The following PPFIA2 variants were observed in gnomAD, a reference collection of about 807,000 sequenced individuals.
PPFIA2 encodes PPFI scaffold protein A2, also known as liprin-alpha-2.
Under a neutral mutation model 175.5 loss-of-function variants are expected in PPFIA2, and 46 were observed. The ratio of observed to expected loss-of-function variants is 0.26; its 90% confidence interval spans 0.21 to 0.34. PPFIA2 has a LOEUF of 0.34. Ranked by LOEUF, PPFIA2 falls within the 10% of genes least tolerant of loss-of-function variation. The pLI is 1.00. For missense variants in PPFIA2, 1,179 were observed against 1,506.1 expected, an observed-to-expected ratio of 0.78 and a Z score of 3.60; for synonymous variants, 568 against 511.4, an observed-to-expected ratio of 1.11 and a Z score of -1.49.
chr12:81,688,598 C>T (rs2074765073), intron 3 of PPFIA2, among the ~76,000 whole-genome samples: 1 of 148,974 alleles, frequency 6.7e-6, no homozygotes, highest in African/African-American at 2.5e-5. Flanking sequence ...AAAATACTGG[C>T]TTAAAAAAAA....
chr12:81,489,833 C>A (rs939525675), intron 4 of PPFIA2, among the ~76,000 whole-genome samples: 13 of 151,950 alleles, frequency 8.6e-5, no homozygotes, highest in Non-Finnish European at 1.3e-4. Flanking sequence ...GTCCTTCTAA[C>A]TCTTATGGCA....
intron 4 of PPFIA2, among the ~76,000 whole-genome samples, chr12:81,655,248 A>G (rs571521175): frequency 6.6e-5 from 10 of 152,000 alleles, no homozygotes; most frequent in African/African-American, 2.4e-4. Context: ...TCCCCCAAAA[A>G]TCAACTTTTG....
chr12:81,652,516 T>G (rs562859551), intron 4 of PPFIA2, among the ~76,000 whole-genome samples: 1 of 152,138 alleles, frequency 6.6e-6, no homozygotes, highest in African/African-American at 2.4e-5. Context: ...TTTGACTAAT[T>G]AATCCTCATT....
At chr12:81,535,004 GCAGGTGTTATGGCCAC>G (rs2065173845) in intron 4 of PPFIA2, among the ~76,000 whole-genome samples, 1 of 151,658 alleles carries the variant, frequency 6.6e-6, no homozygotes, top group African/African-American at 2.4e-5. Flanking sequence ...TCCCATTTTA[GCAGGTGTTATGGCCAC>G]CATGCAACAA....
intron 8 of PPFIA2, among the ~76,000 whole-genome samples, chr12:81,403,287 T>C (rs1022866634): frequency 6.6e-6 from 1 of 152,164 alleles, no homozygotes; most frequent in Non-Finnish European, 1.5e-5. Flanking sequence ...CACCAATGTC[T>C]CAAAATCCTC....
chr12:81,580,571 T>A (rs988769773), intron 4 of PPFIA2, among the ~76,000 whole-genome samples: 4 of 151,338 alleles, frequency 2.6e-5, no homozygotes, highest in African/African-American at 9.7e-5. Flanking sequence ...ATATTTTAAA[T>A]TTTAAAATAT....
chr12:81,731,379 C>T (rs896387306), intron 3 of PPFIA2, among the ~76,000 whole-genome samples: 2 of 151,542 alleles, frequency 1.3e-5, no homozygotes, highest in African/African-American at 4.8e-5. Context: ...TGTAATTTCT[C>T]TTGGCTATGA....
chr12:81,470,425 T>C (rs985781585), intron 4 of PPFIA2, among the ~76,000 whole-genome samples: 1 of 152,076 alleles, frequency 6.6e-6, no homozygotes, highest in Non-Finnish European at 1.5e-5. Flanking sequence ...AAAACACAAA[T>C]AAGCATTGGC....
intron 3 of PPFIA2, among the ~76,000 whole-genome samples, chr12:81,739,542 C>T (rs1568080015): frequency 1.3e-5 from 2 of 151,938 alleles, no homozygotes; most frequent in East Asian, 3.9e-4. Flanking sequence ...AAATAATATT[C>T]TTATCAGGGA....
intron 21 of PPFIA2, among the ~76,000 whole-genome samples, chr12:81,331,526 G>T (rs2056122277): frequency 6.6e-6 from 1 of 152,098 alleles, no homozygotes; most frequent in African/African-American, 2.4e-5. Flanking sequence ...ATTATAGTAG[G>T]TCAATGAGTT....
chr12:81,482,521 A>T (rs2058357778), intron 4 of PPFIA2, among the ~76,000 whole-genome samples: 1 of 152,198 alleles, frequency 6.6e-6, no homozygotes, highest in Non-Finnish European at 1.5e-5. Context: ...GATAAAGAAA[A>T]TGTGGCACAT....
At chr12:81,536,165 T>C (rs1023079513) in intron 4 of PPFIA2, among the ~76,000 whole-genome samples, 36 of 151,810 alleles carry the variant, frequency 2.4e-4, no homozygotes, top group Admixed American at 8.6e-4. Context: ...TTCATCAAAA[T>C]CACAACAAAG....
intron 4 of PPFIA2, among the ~76,000 whole-genome samples, chr12:81,604,305 C>G (rs955388070): frequency 3.3e-5 from 5 of 151,542 alleles, no homozygotes; most frequent in Admixed American, 1.3e-4. Context: ...TAAGAGGTAA[C>G]TGTGCTAGGT....
At chr12:81,311,690 G>A (rs1300944377) in intron 22 of PPFIA2, among the ~76,000 whole-genome samples, 5 of 142,410 alleles carry the variant, frequency 3.5e-5, no homozygotes, top group Middle Eastern at 4.0e-3. Flanking sequence ...CCGAGATCGC[G>A]CCACTGCACT....
chr12:81,453,916 G>C (rs2053114751), intron 5 of PPFIA2, among the ~76,000 whole-genome samples: 1 of 152,096 alleles, frequency 6.6e-6, no homozygotes, highest in Non-Finnish European at 1.5e-5. Context: ...AAGTAGGATT[G>C]AATTACAAAA....
chr12:81,544,383 G>A (rs113048625), intron 4 of PPFIA2, among the ~76,000 whole-genome samples: 6 of 152,228 alleles, frequency 3.9e-5, no homozygotes, highest in African/African-American at 1.4e-4. Flanking sequence ...TTAATGGAGT[G>A]ATAGTGTACC....
intron 4 of PPFIA2, among the ~76,000 whole-genome samples, chr12:81,602,670 T>C (rs1202965051): frequency 6.6e-6 from 1 of 151,848 alleles, no homozygotes; most frequent in African/African-American, 2.4e-5. Context: ...AAATCTATAA[T>C]TTGAGTGGTT....
chr12:81,688,802 A>AATATATATATATATATATATAT (rs3075480), intron 3 of PPFIA2, among the ~76,000 whole-genome samples: 146 of 140,684 alleles, frequency 1.0e-3, no homozygotes, highest in South Asian at 6.4e-3. Flanking sequence ...TGGTTTATTA[A>AATATATATATATATATATATAT]ATATATATAT....
intron 4 of PPFIA2, among the ~76,000 whole-genome samples, chr12:81,495,425 A>G: frequency 6.6e-6 from 1 of 152,216 alleles, no homozygotes; most frequent in South Asian, 2.1e-4. Context: ...TTTTTTTATA[A>G]CACAGAAAAT....
Sources: gnomAD v4.1 joint callset for allele counts (sites outside exome capture counted in the v4.1 genomes callset) on GRCh38, gnomAD v4.1.1 for gene constraint, MANE v1.5 for transcripts, NCBI Gene and HGNC (gene_info 2026-07-23, HGNC 2026-07-21) for gene names.